Variants in KIF24 observed in about 807,000 individuals in gnomAD.
KIF24 encodes kinesin family member 24.
KIF24 carries 81 observed loss-of-function variants against 118.9 expected under a neutral mutation model. That is an observed-to-expected ratio of 0.68 (90% CI 0.57 to 0.82). KIF24 has a LOEUF of 0.82. Among genes scored for constraint, KIF24 ranks in the 40% least tolerant of loss-of-function variants. The pLI is 0.00. For synonymous variants in KIF24, 599 were observed against 610.0 expected, an observed-to-expected ratio of 0.98 and a Z score of 0.27; for missense variants, 1,560 against 1,661.6, an observed-to-expected ratio of 0.94 and a Z score of 1.06.
intron 4 of KIF24, among the ~76,000 whole-genome samples, chr9:34,294,415 G>A (rs1181358119): frequency 6.6e-6 from 1 of 152,118 alleles, no homozygotes; most frequent in Non-Finnish European, 1.5e-5. Flanking sequence ...AATTAGCCGG[G>A]TGTGGGATTA....
At chr9:34,319,291 A>C (rs1171991171) in intron 1 of KIF24, 1 of 1,039,172 alleles carries the variant, frequency 9.6e-7, no homozygotes, top group Non-Finnish European at 1.5e-6. Flanking sequence ...GATGGGGAAG[A>C]AGCAGAAGCC....
intron 1 of KIF24, among the ~76,000 whole-genome samples, chr9:34,317,923 C>T (rs538896624): frequency 1.3e-5 from 2 of 152,260 alleles, no homozygotes; most frequent in South Asian, 2.1e-4. Flanking sequence ...AGGCATCCAC[C>T]GGGGGTCTTG....
intron 2 of KIF24, among the ~76,000 whole-genome samples, chr9:34,309,044 G>A (rs536561599): frequency 7.5e-4 from 114 of 152,218 alleles, no homozygotes; most frequent in African/African-American, 2.6e-3. Flanking sequence ...CTGCACCACT[G>A]CACTCCAGCC....
At chr9:34,291,201 T>A (rs961826267) in intron 4 of KIF24, among the ~76,000 whole-genome samples, 3 of 152,170 alleles carry the variant, frequency 2.0e-5, no homozygotes, top group African/African-American at 7.2e-5. Context: ...GCAAAGTATT[T>A]GAGGAAGGAC....
At chr9:34,271,708 G>A (rs544178256) in intron 7 of KIF24, 101 bp downstream of exon 7, 1 of 1,268,818 alleles carries the variant, frequency 7.9e-7, no homozygotes, top group Admixed American at 2.3e-5. Flanking sequence ...CTGCAATGAA[G>A]AACTCCATGG....
intron 4 of KIF24, among the ~76,000 whole-genome samples, chr9:34,295,554 T>A (rs2131769628): frequency 6.6e-6 from 1 of 152,302 alleles, no homozygotes; most frequent in African/African-American, 2.4e-5. Context: ...GGCAGGCACC[T>A]GCAGTCCCAG....
At chr9:34,316,337 TA>T (rs76592313) in intron 1 of KIF24, among the ~76,000 whole-genome samples, 2,545 of 140,090 alleles carry the variant, frequency 0.018, 41 homozygotes, top group African/African-American at 0.055. Context: ...GAGACTCTAT[TA>T]AAAAAAAAAA....
intron 1 of KIF24, among the ~76,000 whole-genome samples, chr9:34,311,968 G>T (rs932928591): frequency 6.6e-6 from 1 of 152,018 alleles, no homozygotes; most frequent in African/African-American, 2.4e-5. Flanking sequence ...TCAACTTAAT[G>T]TCAAGGCATG....
At chr9:34,330,627 T>C (rs1563970953), upstream of KIF24, among the ~76,000 whole-genome samples, 1 of 152,114 alleles carries the variant, frequency 6.6e-6, no homozygotes, top group Non-Finnish European at 1.5e-5. Context: ...ATAATGAAGG[T>C]AAAGCACTTG....
At position 34,299,563 on chromosome 9, in the gene KIF24, A is replaced by T. The variant is rs114475710; in HGVS notation, c.814-2449T>A. Among the ~76,000 whole-genome samples, 595 of 150,066 alleles carry T rather than the reference A, an allele frequency of 4.0e-3. 7 individuals carry two copies. The highest frequency in any genetic ancestry group is 0.014 in the African/African-American group (553 of 40,894). On this transcript the variant is annotated intron_variant, in intron 3 of 12. Transcript: ENST00000402558. ...CCCAGTCTCAAAAAATAAAAAAATTAAAAAAAAAATAAAAGTAACATGTAT... is the reference window on the plus strand; with the variant it reads ...CCCAGTCTCAAAAAATAAAAAAATTTAAAAAAAAATAAAAGTAACATGTAT...
At chr9:34,262,676 ATATATATATATATATAT>A (rs1219406935) in intron 9 of KIF24, among the ~76,000 whole-genome samples, 5 of 13,242 alleles carry the variant, frequency 3.8e-4, no homozygotes, top group African/African-American at 2.1e-3. Flanking sequence ...AAAAAAAAAA[ATATATATATATATATAT>A]ATATATATAT....
chr9:34,321,486 A>T (rs1405635336), intron 1 of KIF24, among the ~76,000 whole-genome samples: 5 of 148,206 alleles, frequency 3.4e-5, no homozygotes, highest in Non-Finnish European at 7.4e-5. Flanking sequence ...CTGATTACGC[A>T]TTTGCAGGAG....
upstream of KIF24, among the ~76,000 whole-genome samples, chr9:34,331,467 C>G (rs1837935105): frequency 6.6e-6 from 1 of 152,212 alleles, no homozygotes; most frequent in Non-Finnish European, 1.5e-5. Context: ...GCCTTTCTGA[C>G]TGCATAGACA....
Position 34,254,288 on chromosome 9 carries a change from T to C in KIF24, c.*92A>G. 1 of 1,376,370 alleles carries C rather than the reference T, an allele frequency of 7.3e-7. No individual in the cohort carries two copies. Among genetic ancestry groups the C allele is most frequent in the Non-Finnish European group, 9.6e-7 (1 of 1,040,772 alleles). 85.3% of individuals were successfully genotyped at this position (1,376,370 alleles called of 1,614,324 possible). On this transcript the variant is annotated 3_prime_UTR_variant, in exon 13 of 13. Transcript: ENST00000402558. ...CAGGACCAGCGTGTGGGTTCTGGTG[T>C]GTGCAGGGAGGACCTGGCAGAGGCT... is the stretch of plus-strand genomic sequence containing the variant.
At chr9:34,268,603 G>A (rs1005940262) in intron 8 of KIF24, among the ~76,000 whole-genome samples, 4 of 151,656 alleles carry the variant, frequency 2.6e-5, no homozygotes, top group African/African-American at 9.7e-5. Flanking sequence ...CACCTCCTGG[G>A]TTCAAGCGAT....
rs1234794736 is a variant in KIF24, at chr9:34,252,443, TAC to T, written c.*1935_*1936del. ...ATTAAAGATCTAAATACAAAGGATA[TAC>T]AGTCTTGAATCTAAAATAATTTGCT... is the stretch of plus-strand genomic sequence containing the variant. On this transcript the variant is annotated 3_prime_UTR_variant, in exon 13 of 13. Transcript: ENST00000402558. The T allele has an allele frequency of 2.0e-5, 3 of 146,344 alleles. No homozygotes were observed. The highest frequency in any genetic ancestry group is 4.5e-5 in the Non-Finnish European group (3 of 66,716). The allele number at this position is 146,344 out of a possible 1,614,324, so 9.1% of individuals were successfully genotyped here.
In KIF24 at chr9:34,311,174, A is replaced by T. The variant is rs935097361; in HGVS notation, c.173T>A (p.Ile58Asn). 8 of 1,613,386 alleles carry T rather than the reference A, an allele frequency of 5.0e-6. No homozygotes were observed. The highest frequency in any genetic ancestry group is 2.7e-5 in the African/African-American group (2 of 74,890). The part of the protein sequence containing the change: ...MNDRKRLFQL[I>N]KIIKIMQEED... The stretch of plus-strand genomic sequence containing the variant: ...TTCTTGCATAATCTTAATAATTTTG[A>T]TAAGTTGGAAGAGACGTTTGCGGTC... Residue 58 changes from isoleucine (I) to asparagine (N), a missense_variant, in exon 2 of 13, where the codon ATC becomes AAC. Transcript: ENST00000402558.
chr9:34,277,473 G>C (rs974781568), intron 6 of KIF24, among the ~76,000 whole-genome samples: 1 of 152,082 alleles, frequency 6.6e-6, no homozygotes, highest in Non-Finnish European at 1.5e-5. Context: ...TACTTCACAA[G>C]GAAACGTGGA....
At chr9:34,258,648 G>A (rs770290370) in intron 10 of KIF24, among the ~76,000 whole-genome samples, 13 of 152,160 alleles carry the variant, frequency 8.5e-5, no homozygotes, top group Admixed American at 2.6e-4. Context: ...CCTGGAGAGA[G>A]GCCAACTCAG....
Sources: allele counts gnomAD v4.1 joint callset (sites outside exome capture counted in the v4.1 genomes callset), GRCh38; gene constraint gnomAD v4.1.1; transcripts MANE v1.5; gene names NCBI Gene and HGNC (gene_info 2026-07-23, HGNC 2026-07-21).